The following TMEM168 variants were observed in gnomAD, a reference collection of about 807,000 sequenced individuals.
TMEM168 encodes transmembrane protein 168.
TMEM168 carries 40 observed loss-of-function variants against 53.2 expected under a neutral mutation model. The ratio of observed to expected loss-of-function variants is 0.75; its 90% CI spans 0.58 to 0.98. The LOEUF is 0.98. Among genes scored for constraint, TMEM168 ranks in the 50% least tolerant of loss-of-function variants. TMEM168 has a pLI of 0.00. For missense variants in TMEM168, 771 were observed against 828.8 expected, an observed-to-expected ratio of 0.93 and a Z score of 0.86; for synonymous variants, 282 against 293.0, an observed-to-expected ratio of 0.96 and a Z score of 0.38.
In TMEM168 at chr7:112,763,658, A is replaced by T. The variant is rs2116189638; in HGVS notation, c.*3539T>A. The T allele has an allele frequency of 6.6e-6, 1 of 152,290 alleles. No homozygotes were observed. The highest frequency in any genetic ancestry group is 3.4e-3 in the Middle Eastern group (1 of 294). 9.4% of individuals were successfully genotyped at this position (152,290 alleles called of 1,614,324 possible). On this transcript the variant is annotated 3_prime_UTR_variant, in exon 5 of 5. Coordinates refer to ENST00000312814, the MANE Select transcript of TMEM168 (RefSeq NM_022484.6). ...TATTAACTATCATCACTTGTGGGAAAGTAATGTAGAATATTACTTTAAAAG... is the reference window on the plus strand; with the variant it reads ...TATTAACTATCATCACTTGTGGGAATGTAATGTAGAATATTACTTTAAAAG...
chr7:112,787,713 A>ATTTTTTTTTTTTTTTTTTTTTTTTTT (rs71155069), intron 1 of TMEM168, among the ~76,000 whole-genome samples: 1 of 38,768 alleles, frequency 2.6e-5, no homozygotes, highest in African/African-American at 1.1e-4. Flanking sequence ...TGCGACTGGC[A>ATTTTTTTTTTTTTTTTTTTTTTTTTT]TTTTTTTTTT....
chr7:112,775,283 G>A lies in TMEM168; in HGVS notation c.1164C>T (p.Ile388=), dbSNP rs201379399. 2.9e-5 allele frequency: 46 copies of A among 1,613,316 alleles called. 1 individual carries two copies. In the South Asian group the frequency reaches 3.6e-4, roughly 13 times the overall value. Residue 388 remains isoleucine, a synonymous_variant, in exon 3 of 5, where the codon ATC becomes ATT. Transcript: ENST00000312814. ...TNGIFLSMFL[I]VLPLESMAHG... ...GAGCCATGGATTCCAATGGCAAAAC[G>A]ATTAGAAACATGCTCAAGAAAATTC...
chr7:112,784,874 T>C lies in TMEM168; in HGVS notation c.-49A>G, dbSNP rs1793339038. On this transcript the variant is annotated 5_prime_UTR_variant, in exon 2 of 5. Transcript: ENST00000312814. ...CCTCACGTTACAAAAATTAACCGCT[T>C]GTATTTCATCCAGTATATCCAATGT... 2 of 1,490,674 alleles carry C rather than the reference T, an allele frequency of 1.3e-6. No homozygotes were observed. The highest frequency in any genetic ancestry group is 1.4e-5 in the African/African-American group (1 of 71,614). The allele number at this position is 1,490,674 out of a possible 1,614,324, so 92.3% of individuals were successfully genotyped here. A position where few individuals can be genotyped will look rare whatever the true frequency, so the allele number is the denominator to read the frequency against.
At chr7:112,782,445 G>C (rs2116289649) in intron 2 of TMEM168, among the ~76,000 whole-genome samples, 1 of 152,226 alleles carries the variant, frequency 6.6e-6, no homozygotes, top group African/African-American at 2.4e-5. Context: ...AAAGTATTTA[G>C]GGCTGGGAAA....
In TMEM168 at chr7:112,766,886, AC is replaced by A. The variant is rs1792793124; in HGVS notation, c.*310del. 4.0e-6 allele frequency: 1 copy of A among 253,108 alleles called. No individual in the cohort carries two copies. The highest frequency in any genetic ancestry group is 7.5e-6 in the Non-Finnish European group (1 of 133,124). The allele number at this position is 253,108 out of a possible 1,614,324, so 15.7% of individuals were successfully genotyped here. Reference sequence around the variant, plus strand: ...ATAAGGCATTAGTAATTCATCATTGACCATTGCAGAGCATAGACAACTGTTT... The same window carrying A: ...ATAAGGCATTAGTAATTCATCATTGACATTGCAGAGCATAGACAACTGTTT... On this transcript the variant is annotated 3_prime_UTR_variant, in exon 5 of 5. Coordinates refer to ENST00000312814, the MANE Select transcript of TMEM168 (RefSeq NM_022484.6).
chr7:112,787,458 C>A (rs1793414108), intron 1 of TMEM168, among the ~76,000 whole-genome samples: 2 of 152,250 alleles, frequency 1.3e-5, no homozygotes, highest in South Asian at 4.1e-4. Context: ...TGGCTCACTG[C>A]AACCTCCGAC....
chr7:112,775,244 A>G lies in TMEM168; in HGVS notation c.1203T>C (p.His401=), dbSNP rs1352699126. The G allele has an allele frequency of 1.2e-6, 2 of 1,613,770 alleles. No individual in the cohort carries two copies. Among genetic ancestry groups the G allele is most frequent in the Non-Finnish European group, 8.5e-7 (1 of 1,179,900 alleles). ...PLESMAHGLF[H]ELGNCLGGTS... is the part of the protein sequence containing the mutation. ...TTCCTCCTAAACAGTTACCCAATTCATGGAAGAGCCCATGAGCCATGGATT... is the reference window on the plus strand; with the variant it reads ...TTCCTCCTAAACAGTTACCCAATTCGTGGAAGAGCCCATGAGCCATGGATT... The change falls in exon 3 of 5, where the codon CAT becomes CAC. Residue 401 remains histidine (H), a synonymous_variant. Coordinates refer to ENST00000312814, the MANE Select transcript of TMEM168 (RefSeq NM_022484.6).
rs1417585285 is a variant in TMEM168 at position 112,765,759 on chromosome 7, G to C, written c.*1438C>G. On this transcript the variant is annotated 3_prime_UTR_variant, in exon 5 of 5. Transcript: ENST00000312814. ...AATTTTTAACAAAATTTTATTTAGA[G>C]CATTAGGAAAATCATATTCAAAACA... 1.3e-5 allele frequency: 2 copies of C among 151,676 alleles called. No homozygotes were observed. The highest frequency in any genetic ancestry group is 2.9e-5 in the Non-Finnish European group (2 of 67,984). The allele number at this position is 151,676 out of a possible 1,614,324, so 9.4% of individuals were successfully genotyped here.
At chr7:112,779,048 T>C (rs1001661903) in intron 2 of TMEM168, among the ~76,000 whole-genome samples, 20 of 152,046 alleles carry the variant, frequency 1.3e-4, no homozygotes, top group African/African-American at 4.1e-4. Flanking sequence ...TGCACCACCA[T>C]GCCTGGCTAA....
intron 3 of TMEM168, 128 bp from the exon 4 acceptor site, chr7:112,773,183 A>G: frequency 1.0e-6 from 1 of 999,896 alleles, no homozygotes; most frequent in Admixed American, 3.0e-5. Context: ...GTAAAAAATC[A>G]CCCTTTCTAA....
At chr7:112,772,658 A>C in intron 4 of TMEM168, 123 bp downstream of exon 4, 3 of 1,109,402 alleles carry the variant, frequency 2.7e-6, no homozygotes, top group Non-Finnish European at 3.8e-6. Flanking sequence ...AAAACAAATT[A>C]GAGTCATATG....
chr7:112,767,727 G>A lies in TMEM168; in HGVS notation c.1564C>T (p.Leu522Phe), dbSNP rs777432762. ...WALAGGDTLR[L>F]DTLIEWWREK... ...CTCCACCATTCTATAAGTGTGTCAA[G>A]GCGTAGTGTATCTCCACCTGTGAAC... Residue 522 changes from leucine (L) to phenylalanine (F), a missense_variant, in exon 5 of 5, where the codon CTT (leucine) becomes TTT (phenylalanine). Coordinates refer to ENST00000312814, the MANE Select transcript of TMEM168 (RefSeq NM_022484.6). 6.2e-7 allele frequency: 1 copy of A among 1,611,166 alleles called. No individual in the cohort carries two copies. The highest frequency in any genetic ancestry group is 1.1e-5 in the South Asian group (1 of 90,768).
intron 2 of TMEM168, among the ~76,000 whole-genome samples, chr7:112,779,413 C>A (rs946861869): frequency 6.6e-6 from 1 of 152,150 alleles, no homozygotes; most frequent in African/African-American, 2.4e-5. Context: ...TGTCTGCTTG[C>A]CACTTTCAGA....
intron 3 of TMEM168, among the ~76,000 whole-genome samples, chr7:112,773,894 T>C (rs1033915714): frequency 1.6e-4 from 25 of 152,170 alleles, no homozygotes; most frequent in African/African-American, 6.0e-4. Flanking sequence ...GGAATAAATA[T>C]CTAACTGTGC....
intron 2 of TMEM168, among the ~76,000 whole-genome samples, chr7:112,776,204 C>T (rs977969388): frequency 6.6e-6 from 1 of 151,502 alleles, no homozygotes; most frequent in African/African-American, 2.4e-5. Context: ...TTATAAAGCA[C>T]TGAACTCTCT....
intron 4 of TMEM168, among the ~76,000 whole-genome samples, chr7:112,768,589 G>T (rs1792848734): frequency 6.6e-6 from 1 of 152,054 alleles, no homozygotes; most frequent in African/African-American, 2.4e-5. Flanking sequence ...CTGACTACAG[G>T]TTTTACATCT....
intron 3 of TMEM168, among the ~76,000 whole-genome samples, chr7:112,774,757 T>C (rs111633070): frequency 0.018 from 2,785 of 152,074 alleles, 35 homozygotes; most frequent in Non-Finnish European, 0.024. Flanking sequence ...ATTTTTGTAT[T>C]TTCAGTAGAG....
At chr7:112,769,071 AC>A (rs1289251280) in intron 4 of TMEM168, among the ~76,000 whole-genome samples, 8 of 152,254 alleles carry the variant, frequency 5.3e-5, no homozygotes, top group African/African-American at 1.9e-4. Context: ...CCAGCACAAG[AC>A]CCAACATTTT....
intron 2 of TMEM168, among the ~76,000 whole-genome samples, chr7:112,782,480 G>A (rs1793257565): frequency 6.6e-6 from 1 of 152,168 alleles, no homozygotes; most frequent in Admixed American, 6.5e-5. Flanking sequence ...GAGGGGCAAG[G>A]AAGAGGGAGG....
Sources: gnomAD v4.1 joint callset for allele counts (sites outside exome capture counted in the v4.1 genomes callset) on GRCh38, gnomAD v4.1.1 for gene constraint, MANE v1.5 for transcripts, NCBI Gene and HGNC (gene_info 2026-07-23, HGNC 2026-07-21) for gene names.